Variants in NTM observed in about 807,000 individuals in gnomAD.
NTM encodes the protein IgLON family member 2.
A neutral mutation model predicts 42.1 loss-of-function variants in NTM; 13 were observed. That is an observed-to-expected ratio of 0.31 (90% CI 0.20 to 0.49). NTM has a LOEUF of 0.49. Among genes scored for constraint, NTM ranks in the 20% least tolerant of loss-of-function variants. The pLI, the probability that NTM is intolerant of heterozygous loss-of-function variation, is 0.99. For synonymous variants in NTM, 187 were observed against 179.2 expected (o/e 1.04, Z -0.35); for missense variants, 373 against 452.8 (o/e 0.82, Z 1.60).
At chr11:131,512,018 G>C (rs450557) in intron 1 of NTM, among the ~76,000 whole-genome samples, 22,842 of 152,116 alleles carry the variant, frequency 0.15, 1,922 homozygotes, top group Middle Eastern at 0.22. Context: ...GCCACTGATA[G>C]TGGAAGGGAA....
chr11:131,751,817 CAT>C (rs35354746), intron 1 of NTM, among the ~76,000 whole-genome samples: 29,542 of 141,496 alleles, frequency 0.21, 4,322 homozygotes, highest in African/African-American at 0.43. Flanking sequence ...TAATTATACT[CAT>C]GTGTTTGTTT....
Position 131,988,245 on chromosome 11 carries a change from G to C in NTM, c.167+76597G>C, listed in dbSNP as rs185151245. 3.3e-5 allele frequency among the ~76,000 whole-genome samples: 5 copies of C among 152,292 alleles called. No individual in the cohort carries two copies. The East Asian group carries it at 9.7e-4, about 29-fold the overall frequency. On this transcript the variant is annotated intron_variant, in intron 2 of 8. Transcript: ENST00000683400. ...CCCTGCTTCCAGATACCAGTACCTT[G>C]GTCATTAAGTTTCAACATAGAACTT...
intron 2 of NTM, among the ~76,000 whole-genome samples, chr11:131,954,807 A>C (rs954490317): frequency 6.6e-6 from 1 of 152,170 alleles, no homozygotes; most frequent in Non-Finnish European, 1.5e-5. Flanking sequence ...TATATTTTTC[A>C]TTTAAAAAAA....
intron 2 of NTM, among the ~76,000 whole-genome samples, chr11:131,989,954 T>A (rs2066735574): frequency 6.6e-6 from 1 of 152,144 alleles, no homozygotes; most frequent in African/African-American, 2.4e-5. Context: ...GTGGGGATAG[T>A]AATGTAATTC....
intron 1 of NTM, among the ~76,000 whole-genome samples, chr11:131,613,850 T>C (rs994042109): frequency 5.3e-5 from 8 of 152,292 alleles, no homozygotes; most frequent in African/African-American, 1.9e-4. Flanking sequence ...GAACACCACG[T>C]ACCTGCCTTG....
intron 7 of NTM, among the ~76,000 whole-genome samples, chr11:132,320,863 T>A (rs1435025642): frequency 6.6e-6 from 1 of 151,644 alleles, no homozygotes. Flanking sequence ...AGTGGGTCCC[T>A]GACCCCTGAC....
intron 1 of NTM, among the ~76,000 whole-genome samples, chr11:131,425,967 G>A (rs1257897232): frequency 6.6e-6 from 1 of 152,158 alleles, no homozygotes. Context: ...AATGTGTGCA[G>A]AAATCTTGGA....
At chr11:131,615,988 G>A (rs1442662068) in intron 1 of NTM, among the ~76,000 whole-genome samples, 1 of 152,222 alleles carries the variant, frequency 6.6e-6, no homozygotes, top group African/African-American at 2.4e-5. Flanking sequence ...AGCGTGGCTG[G>A]GTGAGTATAT....
intron 1 of NTM, among the ~76,000 whole-genome samples, chr11:131,402,752 A>G (rs1275230301): frequency 2.0e-5 from 3 of 152,200 alleles, no homozygotes; most frequent in African/African-American, 4.8e-5. Flanking sequence ...CTCTGGCCAT[A>G]TAAGTACTAT....
At chr11:132,012,564 A>G (rs11222865) in intron 2 of NTM, among the ~76,000 whole-genome samples, 3,229 of 152,298 alleles carry the variant, frequency 0.021, 47 homozygotes, top group Middle Eastern at 0.044. Context: ...CTTTAGTGGT[A>G]CTAATAAGGG....
At chr11:132,216,201 A>C (rs1196545557) in intron 4 of NTM, among the ~76,000 whole-genome samples, 1 of 152,242 alleles carries the variant, frequency 6.6e-6, no homozygotes, top group Non-Finnish European at 1.5e-5. Context: ...GATCTCTTTC[A>C]ATATACTCCA....
intron 7 of NTM, among the ~76,000 whole-genome samples, chr11:132,318,379 G>A (rs931957684): frequency 6.6e-6 from 1 of 152,136 alleles, no homozygotes; most frequent in East Asian, 1.9e-4. Context: ...AAACTGTGAG[G>A]TGCATGTTGA....
chr11:131,718,572 T>C lies in NTM; in HGVS notation c.83-192992T>C, dbSNP rs1290940915. 1.3e-5 allele frequency among the ~76,000 whole-genome samples: 2 copies of C among 152,214 alleles called. 1 individual carries two copies. Among genetic ancestry groups the C allele is most frequent in the East Asian group, 3.9e-4 (2 of 5,186 alleles). On this transcript the variant is annotated intron_variant, in intron 1 of 8. Coordinates refer to ENST00000683400, the MANE Select transcript of NTM (RefSeq NM_001352005.2). The stretch of plus-strand genomic sequence containing the variant: ...CTGGCCCCGTGTGAGTGCTGGGCAC[T>C]GTTCCTTCCAATCTTCTGGGAAGGT...
At chr11:132,220,894 G>A (rs1360980398) in intron 4 of NTM, among the ~76,000 whole-genome samples, 3 of 152,182 alleles carry the variant, frequency 2.0e-5, no homozygotes, top group Non-Finnish European at 2.9e-5. Context: ...CAGGGCAGGA[G>A]ACCCCATCTC....
chr11:131,741,162 TGAGAGAGAGAGAGA>T lies in NTM; in HGVS notation c.83-170369_83-170356del, dbSNP rs71067330. The stretch of plus-strand genomic sequence containing the variant: ...CCTGGGCAACAGAGCAAGACCCCGT[TGAGAGAGAGAGAGA>T]GAGAGAGAGAGAGAGAGAGAGAGAG... On this transcript the variant is annotated intron_variant, in intron 1 of 8. Transcript: ENST00000683400. 5.8e-3 allele frequency among the ~76,000 whole-genome samples: 749 copies of T among 129,826 alleles called. 8 individuals are homozygous for T. Among genetic ancestry groups the T allele is most frequent in the African/African-American group, 0.02 (659 of 33,044 alleles). 85.2% of individuals were successfully genotyped at this position (129,826 alleles called of 152,430 possible).
intron 1 of NTM, among the ~76,000 whole-genome samples, chr11:131,789,535 AGAAGAAGAAGAAAAGAAG>A (rs2090217187): frequency 7.0e-5 from 2 of 28,652 alleles, no homozygotes; most frequent in African/African-American, 2.0e-4. Flanking sequence ...AAGAAGAAGA[AGAAGAAGAAGAAAAGAAG>A]AAGAAGAAGA....
At chr11:131,594,093 G>A (rs2059615495) in intron 1 of NTM, among the ~76,000 whole-genome samples, 1 of 152,214 alleles carries the variant, frequency 6.6e-6, no homozygotes, top group Admixed American at 6.5e-5. Flanking sequence ...CATAAGGATG[G>A]TTGTTCTAGA....
chr11:132,256,900 C>T (rs2092526847), intron 4 of NTM, among the ~76,000 whole-genome samples: 1 of 152,162 alleles, frequency 6.6e-6, no homozygotes, highest in Non-Finnish European at 1.5e-5. Context: ...TGTCTGGCTG[C>T]ATTTCTGCAG....
chr11:131,944,418 A>G (rs919069998), intron 2 of NTM, among the ~76,000 whole-genome samples: 1 of 152,206 alleles, frequency 6.6e-6, no homozygotes, highest in African/African-American at 2.4e-5. Flanking sequence ...CTTCATGCAC[A>G]AAACATAGGG....
Sources: allele counts gnomAD v4.1 joint callset (sites outside exome capture counted in the v4.1 genomes callset), GRCh38; gene constraint gnomAD v4.1.1; transcripts MANE v1.5; gene names NCBI Gene and HGNC (gene_info 2026-07-23, HGNC 2026-07-21).